The following CYP11A1 variants were observed in gnomAD, a reference collection of about 807,000 sequenced individuals.
CYP11A1 encodes cholesterol side-chain cleavage enzyme, mitochondrial.
Under a neutral mutation model 51.9 loss-of-function variants are expected in CYP11A1, and 25 were observed. The observed-to-expected ratio is 0.48, with a 90% CI of 0.35 to 0.67. The LOEUF (loss-of-function observed/expected upper bound fraction) is 0.67, where lower values mean the gene tolerates loss of function less well. Ranked by LOEUF, CYP11A1 falls within the 30% of genes least tolerant of loss-of-function variation. The probability of loss-of-function intolerance (pLI) is 0.00; values close to 1 mark genes in which losing one functional copy is unlikely to be tolerated. For missense variants in CYP11A1, 578 were observed against 680.9 expected (o/e 0.85, Z 1.68); for synonymous variants, 245 against 262.1 (o/e 0.93, Z 0.63).
intron 1 of CYP11A1, chr15:74,350,253 C>A: frequency 3.9e-6 from 1 of 257,710 alleles, no homozygotes; most frequent in Non-Finnish European, 8.4e-6. Context: ...TTCTAAATTG[C>A]TCTGTATAAA....
At chr15:74,343,656 G>T in intron 4 of CYP11A1, 133 bp downstream of exon 4, 1 of 820,126 alleles carries the variant, frequency 1.2e-6, no homozygotes, top group Non-Finnish European at 2.1e-6. Flanking sequence ...GGGCCTTCCT[G>T]ACACCCACGC....
rs2060628265 is a variant in CYP11A1 at position 74,345,341 on chromosome 15, A to G, written c.426-98T>C. ...CAGTTTTCCCAGGAAGCTGAGTCACAGCTCACAGCATCCAGCACTCCCACC... is the reference window on the plus strand; with the variant it reads ...CAGTTTTCCCAGGAAGCTGAGTCACGGCTCACAGCATCCAGCACTCCCACC... On this transcript the variant is annotated intron_variant, in intron 2 of 8. Transcript: ENST00000268053. This position sits in a 1 kb window ranked among gnomAD's most constrained non-coding sequence, Gnocchi z 4.3. 6.8e-6 allele frequency: 9 copies of G among 1,321,262 alleles called. No individual in the cohort carries two copies. The allele number at this position is 1,321,262 out of a possible 1,614,324, so 81.8% of individuals were successfully genotyped here.
At chr15:74,338,515 C>A (rs2060590030) in intron 8 of CYP11A1, 56 bp downstream of exon 8, 1 of 1,556,458 alleles carries the variant, frequency 6.4e-7, no homozygotes, top group Non-Finnish European at 8.9e-7. Flanking sequence ...AAGATTGGTG[C>A]CTTCATTAGG....
At chr15:74,357,204 C>A (rs1596165974) in intron 1 of CYP11A1, among the ~76,000 whole-genome samples, 1 of 152,152 alleles carries the variant, frequency 6.6e-6, no homozygotes, top group East Asian at 1.9e-4. Flanking sequence ...TATTCCTTTG[C>A]ACCCTTCATC....
intron 1 of CYP11A1, among the ~76,000 whole-genome samples, chr15:74,358,864 G>A (rs1320389190): frequency 1.3e-5 from 2 of 151,980 alleles, no homozygotes; most frequent in Non-Finnish European, 2.9e-5. Flanking sequence ...ACCCCTTACC[G>A]TCTTCAATCT....
chr15:74,361,485 A>G, intron 1 of CYP11A1: 1 of 491,232 alleles, frequency 2.0e-6, no homozygotes, highest in Non-Finnish European at 3.8e-6. Context: ...GAAATTGTTT[A>G]AAATAGTTTA....
At position 74,355,605 on chromosome 15, in the gene CYP11A1, T is replaced by A. The variant is rs181451808; in HGVS notation, c.270-7550A>T. 7.9e-4 allele frequency among the ~76,000 whole-genome samples: 120 copies of A among 152,136 alleles called. 1 individual carries two copies. The highest frequency in any genetic ancestry group is 2.9e-3 in the African/African-American group (119 of 41,522). On this transcript the variant is annotated intron_variant, in intron 1 of 8. Transcript: ENST00000268053. ...CCAGGCTGAATCAGGCTCCAATTCT[T>A]CCTCAGTTTCTGCTCCTCCACCCTA...
intron 4 of CYP11A1, 109 bp from the exon 5 acceptor site, chr15:74,343,246 T>C: frequency 8.7e-7 from 1 of 1,152,104 alleles, no homozygotes; most frequent in South Asian, 1.2e-5. Flanking sequence ...TCCGGAGCCC[T>C]GTGCTTCTTA....
intron 1 of CYP11A1, chr15:74,366,102 C>G (rs916170284): frequency 3.0e-5 from 30 of 985,390 alleles, no homozygotes; most frequent in African/African-American, 8.7e-5. Flanking sequence ...GTGAGCGACC[C>G]GCGAAGAGCG....
At chr15:74,351,555 T>C (rs1018973283) in intron 1 of CYP11A1, among the ~76,000 whole-genome samples, 10 of 152,218 alleles carry the variant, frequency 6.6e-5, no homozygotes, top group African/African-American at 2.4e-4. Context: ...CTGCATGTGA[T>C]GCCCACCTAA....
intron 1 of CYP11A1, among the ~76,000 whole-genome samples, chr15:74,361,200 T>C (rs1335241644): frequency 1.3e-5 from 2 of 152,344 alleles, no homozygotes; most frequent in African/African-American, 4.8e-5. Context: ...AACAGGATTA[T>C]TTGACATGTT....
At chr15:74,338,517 T>G (rs1191437287) in intron 8 of CYP11A1, 54 bp downstream of exon 8, 9 of 1,577,754 alleles carry the variant, frequency 5.7e-6, no homozygotes, top group Non-Finnish European at 7.0e-6. Context: ...GATTGGTGCC[T>G]TCATTAGGGC....
In CYP11A1 at chr15:74,345,156, C is replaced by T; in HGVS notation, c.513G>A (p.Leu171=). 1 of 1,614,206 alleles carries T rather than the reference C, an allele frequency of 6.2e-7. No individual in the cohort carries two copies. The highest frequency in any genetic ancestry group is 8.5e-7 in the Non-Finnish European group (1 of 1,180,028). ...PEATKNFLPL[L]DAVSRDFVSV... is the part of the protein sequence containing the mutation. ...TGACGAAGTCCCGAGACACTGCATC[C>T]AACAGGGGCAAAAAGTTCTTGGTGG... Residue 171 remains leucine (L), a synonymous_variant, in exon 3 of 9, where the codon TTG becomes TTA. Coordinates refer to ENST00000268053, the MANE Select transcript of CYP11A1 (RefSeq NM_000781.3). The surrounding 1 kb of genome is among the most constrained non-coding windows in gnomAD (Gnocchi z 4.3).
At chr15:74,366,055 G>A (rs1026661350) in intron 1 of CYP11A1, 6 of 985,546 alleles carry the variant, frequency 6.1e-6, no homozygotes, top group East Asian at 1.1e-4. Flanking sequence ...CGACCCGGGG[G>A]GCGGATGGGC....
chr15:74,362,989 T>C (rs1021190084), intron 1 of CYP11A1: 1 of 152,242 alleles, frequency 6.6e-6, no homozygotes, highest in Non-Finnish European at 1.5e-5. Context: ...AGTCCTTCAC[T>C]CTTCTGAAAG....
chr15:74,346,245 C>G (rs1209173237), intron 2 of CYP11A1, among the ~76,000 whole-genome samples: 1 of 150,412 alleles, frequency 6.6e-6, no homozygotes, highest in Non-Finnish European at 1.5e-5. Flanking sequence ...CCCAGCTACG[C>G]CGGAGCTTGA....
chr15:74,365,753 A>G lies in CYP11A1; in HGVS notation c.269+1564T>C, dbSNP rs140697514. The G allele has an allele frequency of 1.9e-3, 1,861 of 985,480 alleles. 30 individuals carry two copies. In the African/African-American group the frequency reaches 0.027, roughly 14 times the overall value. The allele number at this position is 985,480 out of a possible 1,614,324, so 61.0% of individuals were successfully genotyped here. ...CTGTCGGCTCCGGTGGGCTCGGGTG[A>G]GCTCGGGTGAACGCAGCGAGCGAGG... On this transcript the variant is annotated intron_variant, in intron 1 of 8. Transcript: ENST00000268053.
chr15:74,340,019 A>T (rs2060599279), intron 5 of CYP11A1, among the ~76,000 whole-genome samples: 1 of 152,004 alleles, frequency 6.6e-6, no homozygotes, highest in Non-Finnish European at 1.5e-5. Context: ...CCAAAAACCC[A>T]CCCATGTCCA....
chr15:74,347,596 G>A (rs200844951), intron 2 of CYP11A1, among the ~76,000 whole-genome samples: 1 of 152,216 alleles, frequency 6.6e-6, no homozygotes, highest in East Asian at 1.9e-4. Flanking sequence ...ATTCATCAAG[G>A]ATGCTCAGTA....
Sources: allele counts gnomAD v4.1 joint callset (sites outside exome capture counted in the v4.1 genomes callset), GRCh38; gene constraint gnomAD v4.1.1; non-coding constraint Gnocchi (gnomAD v3.1); transcripts MANE v1.5; gene names NCBI Gene and HGNC (gene_info 2026-07-23, HGNC 2026-07-21).